The following USP3 variants were observed in gnomAD, a reference collection of about 807,000 sequenced individuals.
USP3 encodes the protein ubiquitin specific peptidase 3, also known as ubiquitin carboxyl-terminal hydrolase 3.
Under a neutral mutation model 72.3 loss-of-function variants are expected in USP3, and 20 were observed. The ratio of observed to expected loss-of-function variants is 0.28; its 90% CI spans 0.19 to 0.40. USP3 has a LOEUF of 0.40. Ranked by LOEUF, USP3 falls within the 10% of genes least tolerant of loss-of-function variation. The pLI, the probability that USP3 is intolerant of heterozygous loss-of-function variation, is 1.00. For synonymous variants in USP3, 222 were observed against 225.3 expected (o/e 0.99, Z 0.13); for missense variants, 479 against 633.9 (o/e 0.76, Z 2.62).
chr15:63,506,165 G>A lies in USP3; in HGVS notation c.91+1335G>A, dbSNP rs571377486. Among the ~76,000 whole-genome samples the A allele has an allele frequency of 5.3e-5, 8 of 152,322 alleles. No homozygotes were observed. In the East Asian group the frequency reaches 5.8e-4, roughly 11 times the overall value. The stretch of plus-strand genomic sequence containing the variant: ...AACGGTTAATTGGTTTCACAGAGCA[G>A]TATTGCAGTTCTTTTGTGAGGATGC... On this transcript the variant is annotated intron_variant, in intron 1 of 14. Transcript: ENST00000380324.
chr15:63,524,261 G>A (rs1431223545), intron 1 of USP3, among the ~76,000 whole-genome samples: 1 of 152,206 alleles, frequency 6.6e-6, no homozygotes, highest in East Asian at 1.9e-4. Flanking sequence ...GAGTAGTATA[G>A]TCATTGGATA....
chr15:63,563,180 A>T (rs1164663544), intron 8 of USP3, among the ~76,000 whole-genome samples, 172 bp downstream of exon 8: 1 of 152,168 alleles, frequency 6.6e-6, no homozygotes, highest in Non-Finnish European at 1.5e-5. Flanking sequence ...GACTAAACAC[A>T]TGTGTTTATT....
chr15:63,579,141 T>C (rs1184526065), intron 11 of USP3, among the ~76,000 whole-genome samples: 1 of 152,192 alleles, frequency 6.6e-6, no homozygotes, highest in Non-Finnish European at 1.5e-5. Context: ...ATAAGGAATA[T>C]GCAATACTTT....
chr15:63,586,959 G>A (rs1399145395), intron 11 of USP3, among the ~76,000 whole-genome samples: 1 of 152,118 alleles, frequency 6.6e-6, no homozygotes, highest in Admixed American at 6.5e-5. Context: ...CTAGTCCTCT[G>A]CCACACCTTG....
intron 11 of USP3, among the ~76,000 whole-genome samples, chr15:63,580,674 T>TATATATATATATATA (rs1566917047): frequency 5.3e-5 from 7 of 131,144 alleles, no homozygotes; most frequent in African/African-American, 1.9e-4. Context: ...TATATATGAA[T>TATATATATATATATA]ATATAATATA....
intron 11 of USP3, among the ~76,000 whole-genome samples, chr15:63,575,978 A>G (rs2066855948): frequency 7.0e-6 from 1 of 143,226 alleles, no homozygotes; most frequent in Non-Finnish European, 1.5e-5. Flanking sequence ...TATATATCTG[A>G]ACAATACTTT....
In USP3 at chr15:63,590,740, A is replaced by G; in HGVS notation, c.1477A>G (p.Thr493Ala). ...FHFNDSTVTLTDEETVVKAKA... is the reference protein window; with the variant it reads ...FHFNDSTVTLADEETVVKAKA... The stretch of plus-strand genomic sequence containing the variant: ...CTTCAATGACAGTACTGTAACACTG[A>G]CTGACGAGGAGACTGTGGTGAAGGC... Residue 493 changes from threonine (T) to alanine (A), a missense_variant, in exon 15 of 15, where the codon ACT (threonine) becomes GCT (alanine). Thr to Ala is a moderately conservative substitution (Grantham distance 58). Coordinates refer to ENST00000380324, the MANE Select transcript of USP3 (RefSeq NM_006537.4). The G allele has an allele frequency of 6.2e-7, 1 of 1,614,168 alleles. No homozygotes were observed. Among genetic ancestry groups the G allele is most frequent in the Non-Finnish European group, 8.5e-7 (1 of 1,180,010 alleles).
rs972331467 is a variant in USP3, at chr15:63,570,933, C to T, written c.908+354C>T. Among the ~76,000 whole-genome samples the T allele has an allele frequency of 6.6e-6, 1 of 152,116 alleles. No homozygotes were observed. The highest frequency in any genetic ancestry group is 1.9e-4 in the East Asian group (1 of 5,202). On this transcript the variant is annotated intron_variant, in intron 9 of 14. Transcript: ENST00000380324. The surrounding 1 kb of genome is among the most constrained non-coding windows in gnomAD (Gnocchi z 4.4). ...TTCATATACCAAAATAATATTTGTT[C>T]ACTAAAAACAAAAGCTTAAAACATT...
intron 11 of USP3, among the ~76,000 whole-genome samples, chr15:63,584,298 T>G (rs142247621): frequency 1.3e-5 from 2 of 151,986 alleles, no homozygotes; most frequent in East Asian, 3.9e-4. Flanking sequence ...GGGGTTTCAC[T>G]GTGTTAGCCA....
chr15:63,568,012 G>T (rs934389692), intron 8 of USP3, among the ~76,000 whole-genome samples: 3 of 152,156 alleles, frequency 2.0e-5, no homozygotes, highest in Non-Finnish European at 4.4e-5. Context: ...GGAGAAGGGG[G>T]TAATCTTTGT....
At chr15:63,555,266 T>C (rs981766429) in intron 4 of USP3, among the ~76,000 whole-genome samples, 15 of 151,746 alleles carry the variant, frequency 9.9e-5, no homozygotes, top group African/African-American at 3.6e-4. Context: ...AAACATTGGT[T>C]TAATCTGTAG....
At chr15:63,535,022 C>G (rs1457620411) in intron 2 of USP3, among the ~76,000 whole-genome samples, 1 of 152,058 alleles carries the variant, frequency 6.6e-6, no homozygotes, top group Non-Finnish European at 1.5e-5. Flanking sequence ...ACCTCTGCCT[C>G]CTGGGTTCAA....
rs2066468346 is a variant in USP3 at position 63,553,796 on chromosome 15, A to G, written c.366A>G (p.Glu122=). ...QKVREHLQNL[E]NSAFTADRHK... is the part of the protein sequence containing the mutation. ...TCAGAGAACACTTACAGAACTTGGA[A>G]AAGTAAGTAATAGGCCTTTGGAAAA... is the stretch of plus-strand genomic sequence containing the variant. Residue 122 remains glutamate (E), a splice_region_variant and synonymous_variant, in exon 4 of 15, where the codon GAA becomes GAG. Coordinates refer to ENST00000380324, the MANE Select transcript of USP3 (RefSeq NM_006537.4). The surrounding 1 kb of genome is among the most constrained non-coding windows in gnomAD (Gnocchi z 4.2). 6.2e-7 allele frequency: 1 copy of G among 1,612,188 alleles called. No homozygotes were observed. The highest frequency in any genetic ancestry group is 8.5e-7 in the Non-Finnish European group (1 of 1,179,084).
intron 1 of USP3, among the ~76,000 whole-genome samples, chr15:63,507,410 C>T (rs1435731243): frequency 6.6e-6 from 1 of 152,168 alleles, no homozygotes; most frequent in Non-Finnish European, 1.5e-5. Flanking sequence ...AAGGGTAATA[C>T]TTTGCATTTA....
intron 3 of USP3, among the ~76,000 whole-genome samples, 183 bp downstream of exon 3, chr15:63,537,339 A>G (rs11853890): frequency 0.07 from 10,700 of 152,060 alleles, 424 homozygotes; most frequent in Non-Finnish European, 0.083. Flanking sequence ...TTTACTTTGC[A>G]TTGTTCCTTT....
At chr15:63,568,530 A>C (rs769329441) in intron 8 of USP3, among the ~76,000 whole-genome samples, 8 of 152,172 alleles carry the variant, frequency 5.3e-5, no homozygotes, top group Non-Finnish European at 8.8e-5. Context: ...ACAGCACCCA[A>C]ATGTGAGGAC....
In USP3 at chr15:63,556,900, T is replaced by G. The variant is rs1595745203; in HGVS notation, c.450+152T>G. On this transcript the variant is annotated intron_variant, in intron 5 of 14. Coordinates refer to ENST00000380324, the MANE Select transcript of USP3 (RefSeq NM_006537.4). Reference sequence around the variant, plus strand: ...TTTACACAATGTTTGCCACCTGTACTGTCGATTGTTGCCGTGACCCCAGTG... The same window carrying G: ...TTTACACAATGTTTGCCACCTGTACGGTCGATTGTTGCCGTGACCCCAGTG... The G allele has an allele frequency of 8.3e-6, 5 of 600,900 alleles. No homozygotes were observed. In the East Asian group the frequency reaches 1.5e-4, roughly 18 times the overall value. 37.2% of individuals were successfully genotyped at this position (600,900 alleles called of 1,614,324 possible).
At chr15:63,511,698 C>T (rs1393952218) in intron 1 of USP3, among the ~76,000 whole-genome samples, 1 of 152,072 alleles carries the variant, frequency 6.6e-6, no homozygotes, top group African/African-American at 2.4e-5. Flanking sequence ...CTCTCCACCC[C>T]CCTTATTTTT....
At position 63,574,256 on chromosome 15, in the gene USP3, G is replaced by T. The variant is rs2066825394; in HGVS notation, c.1016-67G>T. On this transcript the variant is annotated intron_variant, in intron 10 of 14. Transcript: ENST00000380324. The surrounding 1 kb of genome is among the most constrained non-coding windows in gnomAD (Gnocchi z 4.6). Reference sequence around the variant, plus strand: ...GAGAAATCTAGAAATACATCAGTTTGTGAAATTATTTTGAATGGACATATA... The same window carrying T: ...GAGAAATCTAGAAATACATCAGTTTTTGAAATTATTTTGAATGGACATATA... 3 of 1,451,084 alleles carry T rather than the reference G, an allele frequency of 2.1e-6. No individual in the cohort carries two copies. The highest frequency in any genetic ancestry group is 2.4e-5 in the East Asian group (1 of 41,092). 89.9% of individuals were successfully genotyped at this position (1,451,084 alleles called of 1,614,324 possible). A position where few individuals can be genotyped will look rare whatever the true frequency, so the allele number is the denominator to read the frequency against.
Sources: allele counts gnomAD v4.1 joint callset (sites outside exome capture counted in the v4.1 genomes callset), GRCh38; gene constraint gnomAD v4.1.1; non-coding constraint Gnocchi (gnomAD v3.1); transcripts MANE v1.5; gene names NCBI Gene and HGNC (gene_info 2026-07-23, HGNC 2026-07-21).